The following HPSE2 variants were observed in gnomAD, a reference collection of about 807,000 sequenced individuals.
HPSE2 encodes heparanase 2 (inactive).
Under a neutral mutation model 60.5 loss-of-function variants are expected in HPSE2, and 38 were observed. The ratio of observed to expected loss-of-function variants is 0.63; its 90% CI spans 0.48 to 0.82. The LOEUF (loss-of-function observed/expected upper bound fraction) is 0.82. HPSE2 is among the 40% of genes least tolerant of loss of function. The pLI is 0.00. For synonymous variants in HPSE2, 295 were observed against 293.2 expected (o/e 1.01, Z -0.06); for missense variants, 713 against 740.4 (o/e 0.96, Z 0.43).
At chr10:98,931,364 T>G (rs1251818418) in intron 3 of HPSE2, among the ~76,000 whole-genome samples, 1 of 144,392 alleles carries the variant, frequency 6.9e-6, no homozygotes, top group African/African-American at 2.8e-5. Context: ...CTATTTTGGT[T>G]ACTATGGCCT....
At chr10:98,827,052 G>T (rs1168615660) in intron 3 of HPSE2, among the ~76,000 whole-genome samples, 1 of 152,002 alleles carries the variant, frequency 6.6e-6, no homozygotes, top group Non-Finnish European at 1.5e-5. Flanking sequence ...TCTGGAGGCT[G>T]AGGTGGGAGA....
intron 9 of HPSE2, among the ~76,000 whole-genome samples, chr10:98,601,225 A>G (rs1476353352): frequency 1.3e-5 from 2 of 152,106 alleles, no homozygotes; most frequent in Admixed American, 6.5e-5. Flanking sequence ...AATCTGCTTT[A>G]CTCAAAGTCT....
chr10:98,554,334 T>C (rs967103555), intron 9 of HPSE2, among the ~76,000 whole-genome samples: 1 of 152,196 alleles, frequency 6.6e-6, no homozygotes, highest in Non-Finnish European at 1.5e-5. Context: ...GCCACTGAAA[T>C]CCTATTCATT....
intron 3 of HPSE2, among the ~76,000 whole-genome samples, chr10:99,120,064 C>G (rs1844886037): frequency 6.6e-6 from 1 of 152,110 alleles, no homozygotes; most frequent in Non-Finnish European, 1.5e-5. Flanking sequence ...ACGCCAAAAG[C>G]AATCACGACA....
chr10:98,618,749 G>C (rs1339560363), intron 8 of HPSE2, among the ~76,000 whole-genome samples: 1 of 152,138 alleles, frequency 6.6e-6, no homozygotes, highest in African/African-American at 2.4e-5. Context: ...GCTAAGTTTT[G>C]TATGTTTAGT....
intron 7 of HPSE2, among the ~76,000 whole-genome samples, chr10:98,628,111 G>A (rs1946265544): frequency 6.6e-6 from 1 of 152,128 alleles, no homozygotes; most frequent in South Asian, 2.1e-4. Context: ...AATGTTAAAG[G>A]TTCTAGGAGT....
At chr10:98,578,270 A>G (rs1944696086) in intron 9 of HPSE2, among the ~76,000 whole-genome samples, 1 of 152,112 alleles carries the variant, frequency 6.6e-6, no homozygotes, top group African/African-American at 2.4e-5. Context: ...CTTCTGTCCC[A>G]TGGGAACTGA....
intron 3 of HPSE2, among the ~76,000 whole-genome samples, chr10:98,834,020 T>C (rs947226457): frequency 7.2e-5 from 11 of 152,170 alleles, no homozygotes; most frequent in African/African-American, 9.7e-5. Context: ...TTTAAAATGC[T>C]ACTGATTGCA....
chr10:98,694,729 T>A (rs1489569602), intron 5 of HPSE2, among the ~76,000 whole-genome samples: 1 of 152,186 alleles, frequency 6.6e-6, no homozygotes, highest in Non-Finnish European at 1.5e-5. Flanking sequence ...ATTGCATGTT[T>A]GTGAATAACT....
intron 11 of HPSE2, among the ~76,000 whole-genome samples, chr10:98,468,134 C>T (rs1227490071): frequency 6.6e-6 from 1 of 152,254 alleles, no homozygotes; most frequent in Non-Finnish European, 1.5e-5. Context: ...GGTTAGAGTC[C>T]CGAGGAGGCC....
At chr10:98,611,705 C>CT (rs1396786599) in intron 9 of HPSE2, among the ~76,000 whole-genome samples, 1 of 152,194 alleles carries the variant, frequency 6.6e-6, no homozygotes, top group Non-Finnish European at 1.5e-5. Flanking sequence ...CCAGGGGAGA[C>CT]TTAGGACACA....
chr10:98,527,303 T>G (rs1446147127), intron 9 of HPSE2, among the ~76,000 whole-genome samples: 2 of 152,186 alleles, frequency 1.3e-5, no homozygotes, highest in Non-Finnish European at 2.9e-5. Flanking sequence ...AGTTTCTTTA[T>G]TGGCTGCCCA....
intron 3 of HPSE2, among the ~76,000 whole-genome samples, chr10:98,744,294 G>A (rs1012272511): frequency 1.3e-5 from 2 of 152,092 alleles, no homozygotes; most frequent in Admixed American, 6.5e-5. Context: ...TTGGGAGGCC[G>A]AGGTGGGCAG....
chr10:99,199,162 C>T (rs1848495584), intron 2 of HPSE2, among the ~76,000 whole-genome samples: 1 of 152,060 alleles, frequency 6.6e-6, no homozygotes, highest in African/African-American at 2.4e-5. Flanking sequence ...AGTGCAAATA[C>T]CTCTTTGAGA....
chr10:99,129,566 T>C (rs1183190950), intron 3 of HPSE2, among the ~76,000 whole-genome samples: 1 of 152,002 alleles, frequency 6.6e-6, no homozygotes, highest in African/African-American at 2.4e-5. Context: ...GACGGAAATT[T>C]TTTTAATTCT....
At chr10:98,724,330 C>G (rs528214932) in intron 4 of HPSE2, among the ~76,000 whole-genome samples, 3 of 152,104 alleles carry the variant, frequency 2.0e-5, no homozygotes, top group East Asian at 3.9e-4. Flanking sequence ...GTCTGAGAGA[C>G]AGTTTGTTAT....
chr10:99,132,275 G>GAAAGAAAGAAAGA (rs1845472453), intron 3 of HPSE2, among the ~76,000 whole-genome samples: 1 of 147,478 alleles, frequency 6.8e-6, no homozygotes, highest in African/African-American at 2.5e-5. Flanking sequence ...AAGAAAGAAA[G>GAAAGAAAGAAAGA]AAAAGAAATT....
At chr10:99,136,291 AG>A (rs1474495998) in intron 3 of HPSE2, among the ~76,000 whole-genome samples, 4 of 152,204 alleles carry the variant, frequency 2.6e-5, no homozygotes, top group African/African-American at 9.6e-5. Flanking sequence ...ACAGATTCAC[AG>A]CCGAATTCTA....
chr10:99,029,352 C>T (rs1184579014), intron 3 of HPSE2, among the ~76,000 whole-genome samples: 7 of 152,054 alleles, frequency 4.6e-5, no homozygotes, highest in African/African-American at 1.4e-4. Context: ...TGTGCGGTGA[C>T]GAGAGAGTGT....
Sources: gnomAD v4.1 joint callset for allele counts (sites outside exome capture counted in the v4.1 genomes callset) on GRCh38, gnomAD v4.1.1 for gene constraint, MANE v1.5 for transcripts, NCBI Gene and HGNC (gene_info 2026-07-23, HGNC 2026-07-21) for gene names.